ANO10: variants seen among roughly 807,000 people sequenced by gnomAD.
ANO10 encodes anoctamin 10, also known as anoctamin-10.
In ANO10, 77 loss-of-function variants were observed where a neutral mutation model predicts 74.7. The ratio of observed to expected loss-of-function variants is 1.03; its 90% CI spans 0.86 to 1.25. ANO10 has a LOEUF of 1.25. Ranked by LOEUF, ANO10 falls within the 50% of genes most tolerant of loss-of-function variation. ANO10 has a pLI of 0.00. For synonymous variants in ANO10, 279 were observed against 284.9 expected, an observed-to-expected ratio of 0.98 and a Z score of 0.21; for missense variants, 721 against 778.1, an observed-to-expected ratio of 0.93 and a Z score of 0.87.
At chr3:43,414,967 CTTTTT>C (rs60554785) in intron 12 of ANO10, among the ~76,000 whole-genome samples, 2 of 66,594 alleles carry the variant, frequency 3.0e-5, no homozygotes, top group African/African-American at 6.3e-5. Context: ...TGTCATTGTG[CTTTTT>C]TTTTTTTTTT....
chr3:43,556,272 C>G (rs1282027022), intron 9 of ANO10, among the ~76,000 whole-genome samples: 1 of 152,180 alleles, frequency 6.6e-6, no homozygotes, highest in Non-Finnish European at 1.5e-5. Flanking sequence ...CTATGCTCAG[C>G]ATTCAAAATT....
chr3:43,422,443 A>C (rs557976318), intron 12 of ANO10, among the ~76,000 whole-genome samples: 1 of 152,288 alleles, frequency 6.6e-6, no homozygotes, highest in East Asian at 1.9e-4. Flanking sequence ...TATAGTTTTA[A>C]GCATTCTGAT....
At chr3:43,520,721 T>C (rs967769550) in intron 11 of ANO10, among the ~76,000 whole-genome samples, 6 of 152,224 alleles carry the variant, frequency 3.9e-5, no homozygotes, top group African/African-American at 1.2e-4. Flanking sequence ...GTGCGTGTAC[T>C]ATTTTCTTTA....
At chr3:43,465,152 T>A (rs1198435083) in intron 11 of ANO10, among the ~76,000 whole-genome samples, 2 of 152,198 alleles carry the variant, frequency 1.3e-5, no homozygotes, top group African/African-American at 4.8e-5. Flanking sequence ...AGCAAATTTT[T>A]CAAAGTTTCA....
intron 11 of ANO10, among the ~76,000 whole-genome samples, chr3:43,499,804 A>T (rs1175922571): frequency 6.6e-6 from 1 of 151,964 alleles, no homozygotes; most frequent in Non-Finnish European, 1.5e-5. Context: ...TATAAGCAAA[A>T]TATAGGCTTG....
chr3:43,676,358 G>A (rs183330167), intron 1 of ANO10, among the ~76,000 whole-genome samples: 50 of 152,120 alleles, frequency 3.3e-4, no homozygotes, highest in Admixed American at 3.3e-3. Flanking sequence ...GTACACAGAG[G>A]TTGAGCCAGG....
intron 11 of ANO10, among the ~76,000 whole-genome samples, chr3:43,492,338 T>C (rs1217147949): frequency 6.6e-6 from 1 of 152,184 alleles, no homozygotes; most frequent in Admixed American, 6.5e-5. Context: ...AGAAAAATCC[T>C]AGAAGAAAAC....
chr3:43,473,165 T>A (rs955063539), intron 11 of ANO10, among the ~76,000 whole-genome samples: 5 of 152,072 alleles, frequency 3.3e-5, no homozygotes, highest in African/African-American at 4.8e-5. Context: ...CTTTTTTTTT[T>A]ATAGCTGTTT....
chr3:43,414,730 G>T (rs1030899034), intron 12 of ANO10, among the ~76,000 whole-genome samples: 1 of 152,096 alleles, frequency 6.6e-6, no homozygotes, highest in South Asian at 2.1e-4. Context: ...TTCTTTTCTG[G>T]AAGATCTCTA....
chr3:43,544,402 C>T (rs1189038498), intron 11 of ANO10, among the ~76,000 whole-genome samples: 2 of 151,858 alleles, frequency 1.3e-5, no homozygotes, highest in African/African-American at 4.8e-5. Flanking sequence ...AGTAAATACA[C>T]AAAAGTTGTG....
intron 11 of ANO10, among the ~76,000 whole-genome samples, chr3:43,504,142 C>T (rs1473993201): frequency 2.6e-5 from 4 of 151,958 alleles, no homozygotes; most frequent in Non-Finnish European, 5.9e-5. Context: ...GTGGCGGACA[C>T]CTGTAATCCC....
chr3:43,648,052 A>C (rs538712386), intron 1 of ANO10, among the ~76,000 whole-genome samples: 1 of 152,300 alleles, frequency 6.6e-6, no homozygotes, highest in East Asian at 1.9e-4. Context: ...GTTACTTGTT[A>C]CAGCCAGGCT....
At chr3:43,507,470 C>T (rs887402961) in intron 11 of ANO10, among the ~76,000 whole-genome samples, 6 of 152,212 alleles carry the variant, frequency 3.9e-5, no homozygotes, top group South Asian at 2.1e-4. Flanking sequence ...GCAAGGCATC[C>T]CTCCCACAAC....
At chr3:43,483,273 C>G (rs1211031657) in intron 11 of ANO10, among the ~76,000 whole-genome samples, 1 of 152,174 alleles carries the variant, frequency 6.6e-6, no homozygotes, top group Non-Finnish European at 1.5e-5. Context: ...GCCCTTAAAC[C>G]TTTTACTCAT....
intron 11 of ANO10, among the ~76,000 whole-genome samples, chr3:43,437,586 G>C (rs771300871): frequency 1.5e-4 from 23 of 152,206 alleles, no homozygotes; most frequent in Non-Finnish European, 4.4e-5. Flanking sequence ...GAGCTTGTCA[G>C]CTTGTAGCAG....
At chr3:43,449,825 C>T (rs546094028) in intron 11 of ANO10, among the ~76,000 whole-genome samples, 3 of 152,262 alleles carry the variant, frequency 2.0e-5, no homozygotes, top group Admixed American at 2.0e-4. Context: ...CATAAAATAA[C>T]TTGCTTGGAT....
intron 1 of ANO10, among the ~76,000 whole-genome samples, chr3:43,676,295 C>CA (rs1165646549): frequency 5.6e-5 from 8 of 142,326 alleles, no homozygotes; most frequent in East Asian, 2.0e-4. Flanking sequence ...CCTGTATGTA[C>CA]AAAAAAAAGA....
chr3:43,677,129 C>T (rs866619288), intron 1 of ANO10, among the ~76,000 whole-genome samples: 62 of 152,266 alleles, frequency 4.1e-4, no homozygotes, highest in African/African-American at 1.4e-3. Context: ...AAATGCGGTA[C>T]ACATACACCA....
intron 11 of ANO10, among the ~76,000 whole-genome samples, chr3:43,472,889 C>T (rs2075919074): frequency 6.6e-6 from 1 of 152,038 alleles, no homozygotes; most frequent in South Asian, 2.1e-4. Context: ...TCAAGAAGTT[C>T]ATTTTTTAAA....
Sources: gnomAD v4.1 joint callset for allele counts (sites outside exome capture counted in the v4.1 genomes callset) on GRCh38, gnomAD v4.1.1 for gene constraint, MANE v1.5 for transcripts, NCBI Gene and HGNC (gene_info 2026-07-23, HGNC 2026-07-21) for gene names.